Variants in FSIP1 observed in about 807,000 individuals in gnomAD.
The protein encoded by FSIP1 is fibrous sheath interacting protein 1.
In FSIP1, 65 loss-of-function variants were observed where a neutral mutation model predicts 60.9. The ratio of observed to expected loss-of-function variants is 1.07; its 90% CI spans 0.87 to 1.31. FSIP1 has a LOEUF of 1.31. FSIP1 is among the 40% of genes most tolerant of loss of function. FSIP1 has a pLI of 0.00. For synonymous variants in FSIP1, 209 were observed against 221.2 expected, an observed-to-expected ratio of 0.94 and a Z score of 0.49; for missense variants, 675 against 665.5, an observed-to-expected ratio of 1.01 and a Z score of -0.16.
chr15:39,710,602 T>C (rs1566895862), intron 10 of FSIP1, among the ~76,000 whole-genome samples: 1 of 152,208 alleles, frequency 6.6e-6, no homozygotes, highest in Non-Finnish European at 1.5e-5. Flanking sequence ...TTACTGATTA[T>C]AACAAGTTTA....
chr15:39,755,953 C>T (rs893264378), intron 5 of FSIP1, among the ~76,000 whole-genome samples: 2 of 151,922 alleles, frequency 1.3e-5, no homozygotes, highest in Non-Finnish European at 2.9e-5. Context: ...AAACTCCTGG[C>T]GATGTAAAAG....
intron 5 of FSIP1, among the ~76,000 whole-genome samples, chr15:39,760,134 T>A (rs1008564595): frequency 1.3e-5 from 2 of 152,160 alleles, no homozygotes; most frequent in African/African-American, 4.8e-5. Context: ...GTTAAACAAA[T>A]GATGGCACAT....
At chr15:39,624,552 T>C (rs2140391711) in intron 10 of FSIP1, among the ~76,000 whole-genome samples, 1 of 152,288 alleles carries the variant, frequency 6.6e-6, no homozygotes, top group South Asian at 2.1e-4. Context: ...GGAAAAATAA[T>C]TGGTGTTCAT....
intron 8 of FSIP1, among the ~76,000 whole-genome samples, chr15:39,737,554 GT>G (rs1229008579): frequency 1.3e-5 from 2 of 152,234 alleles, no homozygotes; most frequent in Admixed American, 1.3e-4. Context: ...TAACCAATGT[GT>G]AAACACTGCT....
intron 10 of FSIP1, among the ~76,000 whole-genome samples, chr15:39,656,965 G>T (rs1221238738): frequency 2.6e-5 from 4 of 152,168 alleles, no homozygotes; most frequent in African/African-American, 9.7e-5. Context: ...CAGGCCTTGT[G>T]GCTCCCAGAT....
At chr15:39,778,019 T>C in intron 1 of FSIP1, among the ~76,000 whole-genome samples, 1 of 152,168 alleles carries the variant, frequency 6.6e-6, no homozygotes, top group Non-Finnish European at 1.5e-5. Context: ...AAAGCTTATG[T>C]TTAAGAGATC....
intron 10 of FSIP1, among the ~76,000 whole-genome samples, chr15:39,654,429 C>T (rs1892993887): frequency 6.6e-6 from 1 of 152,130 alleles, no homozygotes; most frequent in Non-Finnish European, 1.5e-5. Flanking sequence ...TCTTATGGGA[C>T]CACCGTCGTA....
intron 10 of FSIP1, among the ~76,000 whole-genome samples, chr15:39,675,424 C>T (rs763530429): frequency 2.0e-5 from 3 of 151,914 alleles, no homozygotes; most frequent in Non-Finnish European, 2.9e-5. Flanking sequence ...GCATTCATAA[C>T]GAAAATCTGA....
intron 5 of FSIP1, among the ~76,000 whole-genome samples, chr15:39,749,090 CA>C (rs1301101010): frequency 6.6e-6 from 1 of 151,354 alleles, no homozygotes; most frequent in African/African-American, 2.4e-5. Context: ...TATAAACTAC[CA>C]CTATTAAATC....
Position 39,770,527 on chromosome 15 carries a change from A to C in FSIP1, c.210T>G (p.Asp70Glu). 6.2e-7 allele frequency: 1 copy of C among 1,611,470 alleles called. No homozygotes were observed. The highest frequency in any genetic ancestry group is 1.1e-5 in the South Asian group (1 of 90,568). ...TCTCAGAGCAGCTTTCCTGCTTATC[A>C]TCATTACTAGTTCTTCTGTTCTCTG... ...SNTENRRTSNDDKQESCSEKI... is the reference protein window; with the variant it reads ...SNTENRRTSNEDKQESCSEKI... The change falls in exon 3 of 12, where the codon GAT becomes GAG. Residue 70 changes from aspartate (D) to glutamate (E), a missense_variant. Transcript: ENST00000350221.
At chr15:39,773,617 T>C (rs1454319155) in intron 2 of FSIP1, among the ~76,000 whole-genome samples, 3 of 152,248 alleles carry the variant, frequency 2.0e-5, no homozygotes, top group Non-Finnish European at 4.4e-5. Flanking sequence ...ATACTAATTC[T>C]ATGCTACTCT....
In FSIP1 at chr15:39,741,812, G is replaced by A. The variant is rs1201733322; in HGVS notation, c.648C>T (p.Leu216=). 6.5e-7 allele frequency: 1 copy of A among 1,536,736 alleles called. No homozygotes were observed. Among genetic ancestry groups the A allele is most frequent in the South Asian group, 1.1e-5 (1 of 89,236 alleles). The change falls in exon 6 of 12, where the codon CTC becomes CTT. Residue 216 remains leucine (L), a synonymous_variant. Transcript: ENST00000350221. ...PEEYEMQMQK[L]NKDFTCDVER... ...ACACAAATTTAAATATACCTTTATTGAGTTTCTGCATCTGCATTTCATATT... is the reference window on the plus strand; with the variant it reads ...ACACAAATTTAAATATACCTTTATTAAGTTTCTGCATCTGCATTTCATATT...
In FSIP1 at chr15:39,675,374, T is replaced by C. The variant is rs1893896086; in HGVS notation, c.1188+38070A>G. ...TGAAAACTAGAGGAAATTTTGTACA[T>C]GTAGAGCAGATAACATGTACAAGAA... On this transcript the variant is annotated intron_variant, in intron 10 of 11. Coordinates refer to ENST00000350221, the MANE Select transcript of FSIP1 (RefSeq NM_152597.5). Among the ~76,000 whole-genome samples, 4 of 152,304 alleles carry C rather than the reference T, an allele frequency of 2.6e-5. No homozygotes were observed. In the South Asian group the frequency reaches 8.3e-4, roughly 32 times the overall value.
intron 10 of FSIP1, among the ~76,000 whole-genome samples, chr15:39,626,716 G>A (rs1380610735): frequency 5.3e-5 from 8 of 152,058 alleles, no homozygotes; most frequent in African/African-American, 7.2e-5. Context: ...TCTGCCTTCC[G>A]CCATGATCCT....
intron 10 of FSIP1, among the ~76,000 whole-genome samples, chr15:39,655,683 A>G (rs1386559999): frequency 1.3e-5 from 2 of 152,220 alleles, no homozygotes; most frequent in African/African-American, 4.8e-5. Flanking sequence ...GCTGGTATGC[A>G]GCTACTTTTT....
intron 1 of FSIP1, among the ~76,000 whole-genome samples, chr15:39,777,588 G>A (rs772032819): frequency 2.0e-5 from 3 of 152,202 alleles, no homozygotes; most frequent in Non-Finnish European, 4.4e-5. Context: ...GAGACACAGT[G>A]AGCGATGCAG....
At chr15:39,759,339 C>T (rs954378088) in intron 5 of FSIP1, among the ~76,000 whole-genome samples, 1 of 151,936 alleles carries the variant, frequency 6.6e-6, no homozygotes, top group Non-Finnish European at 1.5e-5. Flanking sequence ...TTAGCTAAAC[C>T]AAAGAATAAA....
chr15:39,722,194 C>A (rs1038853329), intron 9 of FSIP1, among the ~76,000 whole-genome samples: 5 of 151,996 alleles, frequency 3.3e-5, no homozygotes, highest in African/African-American at 1.2e-4. Context: ...ATCTAGGTTG[C>A]ATATTCCTTA....
intron 1 of FSIP1, among the ~76,000 whole-genome samples, chr15:39,776,934 C>CT (rs1025619918): frequency 6.0e-5 from 9 of 151,128 alleles, no homozygotes; most frequent in Middle Eastern, 3.4e-3. Flanking sequence ...GCTACTTTCT[C>CT]TTTTTTTTTG....
Sources: gnomAD v4.1 joint callset for allele counts (sites outside exome capture counted in the v4.1 genomes callset) on GRCh38, gnomAD v4.1.1 for gene constraint, MANE v1.5 for transcripts, NCBI Gene and HGNC (gene_info 2026-07-23, HGNC 2026-07-21) for gene names.